NAALADL2: variants seen among roughly 807,000 people sequenced by gnomAD.
The protein encoded by NAALADL2 is inactive N-acetylated-alpha-linked acidic dipeptidase-like protein 2.
NAALADL2 carries 76 observed loss-of-function variants against 87.2 expected under a neutral mutation model. The ratio of observed to expected loss-of-function variants is 0.87; its 90% CI spans 0.72 to 1.05. The LOEUF is 1.05. NAALADL2 is among the 50% of genes least tolerant of loss of function. The probability of loss-of-function intolerance (pLI) is 0.00; values close to 1 mark genes in which losing one functional copy is unlikely to be tolerated. For synonymous variants in NAALADL2, 354 were observed against 331.0 expected (o/e 1.07, Z -0.75); for missense variants, 1,089 against 945.8 (o/e 1.15, Z -1.99).
At chr3:174,970,807 C>T (rs916119389) in intron 1 of NAALADL2, among the ~76,000 whole-genome samples, 3 of 151,984 alleles carry the variant, frequency 2.0e-5, no homozygotes, top group African/African-American at 7.3e-5. Flanking sequence ...TCTCATTAAC[C>T]CTTTCTCACA....
intron 2 of NAALADL2, among the ~76,000 whole-genome samples, chr3:175,185,030 C>G (rs9290544): frequency 0.038 from 5,754 of 152,100 alleles, 260 homozygotes; most frequent in African/African-American, 0.11. Flanking sequence ...TGAGAGATAG[C>G]AAAATTATTT....
chr3:174,704,904 T>A (rs1729912344), intron 2 of NAALADL2, among the ~76,000 whole-genome samples: 1 of 152,246 alleles, frequency 6.6e-6, no homozygotes, highest in Non-Finnish European at 1.5e-5. Flanking sequence ...TTTAAGTTCC[T>A]GCAGCATATT....
At chr3:174,884,637 AC>A (rs1315720015) in intron 1 of NAALADL2, among the ~76,000 whole-genome samples, 1 of 152,170 alleles carries the variant, frequency 6.6e-6, no homozygotes, top group African/African-American at 2.4e-5. Flanking sequence ...AGGAGCTGCA[AC>A]GTTAAATGCA....
intron 9 of NAALADL2, among the ~76,000 whole-genome samples, chr3:175,498,159 A>G (rs1267881546): frequency 6.6e-6 from 1 of 152,164 alleles, no homozygotes; most frequent in Non-Finnish European, 1.5e-5. Flanking sequence ...AGAAAAGAAC[A>G]GAGAATAAAA....
chr3:175,789,187 C>CCA (rs1431979503), intron 13 of NAALADL2, among the ~76,000 whole-genome samples: 1 of 152,010 alleles, frequency 6.6e-6, no homozygotes, highest in East Asian at 1.9e-4. Context: ...CTTTTGTATC[C>CCA]CACATAGCAG....
intron 11 of NAALADL2, among the ~76,000 whole-genome samples, chr3:175,633,728 T>C (rs1047675468): frequency 2.0e-5 from 3 of 151,876 alleles, no homozygotes; most frequent in African/African-American, 7.2e-5. Context: ...ATTGCTTTTC[T>C]CATGTTCAGA....
At chr3:174,847,804 GAA>G (rs59583247) in intron 3 of NAALADL2, among the ~76,000 whole-genome samples, 32,561 of 138,714 alleles carry the variant, frequency 0.23, 3,765 homozygotes, top group East Asian at 0.45. Context: ...GTATGTATTT[GAA>G]AAAAAAAAAA....
At chr3:175,791,573 T>C (rs1354409291) in intron 13 of NAALADL2, among the ~76,000 whole-genome samples, 1 of 152,180 alleles carries the variant, frequency 6.6e-6, no homozygotes, top group East Asian at 1.9e-4. Context: ...AAGACTGTCA[T>C]GACAGAGGAG....
At chr3:175,660,132 A>G (rs1309713147) in intron 11 of NAALADL2, among the ~76,000 whole-genome samples, 1 of 152,046 alleles carries the variant, frequency 6.6e-6, no homozygotes, top group Non-Finnish European at 1.5e-5. Flanking sequence ...TTTATAAGGG[A>G]ACTAATCCTG....
At chr3:175,112,129 T>C (rs2108501332) in intron 2 of NAALADL2, among the ~76,000 whole-genome samples, 1 of 151,782 alleles carries the variant, frequency 6.6e-6, no homozygotes, top group Non-Finnish European at 1.5e-5. Flanking sequence ...ATTACATTAT[T>C]TTTGTTAATA....
chr3:174,916,276 T>A (rs1734376029), intron 1 of NAALADL2, among the ~76,000 whole-genome samples: 1 of 152,076 alleles, frequency 6.6e-6, no homozygotes, highest in South Asian at 2.1e-4. Context: ...GAATGTAAAT[T>A]AGTACAACCA....
At chr3:175,248,655 C>T (rs1748452554) in intron 3 of NAALADL2, among the ~76,000 whole-genome samples, 1 of 152,032 alleles carries the variant, frequency 6.6e-6, no homozygotes, top group African/African-American at 2.4e-5. Context: ...CTACTGTGTG[C>T]CAATAACTGT....
chr3:174,595,085 G>A (rs932239467), intron 2 of NAALADL2, among the ~76,000 whole-genome samples: 7 of 151,860 alleles, frequency 4.6e-5, no homozygotes, highest in African/African-American at 1.7e-4. Flanking sequence ...TTATTTCTGC[G>A]GCATAAAAAC....
At chr3:175,729,768 GT>G (rs11324916) in intron 11 of NAALADL2, among the ~76,000 whole-genome samples, 6,434 of 125,454 alleles carry the variant, frequency 0.051, 362 homozygotes, top group African/African-American at 0.16. Context: ...TCAGCTGAAG[GT>G]TTTTTTTTTT....
chr3:174,667,966 A>T (rs1174617796), intron 2 of NAALADL2, among the ~76,000 whole-genome samples: 1 of 152,108 alleles, frequency 6.6e-6, no homozygotes, highest in African/African-American at 2.4e-5. Flanking sequence ...TAGCAGCTGC[A>T]CCATTTTATA....
In NAALADL2 at chr3:175,598,457, C is replaced by A. The variant is rs192599241; in HGVS notation, c.1800+22270C>A. Among the ~76,000 whole-genome samples the A allele has an allele frequency of 3.4e-3, 511 of 151,616 alleles. 2 individuals are homozygous for A. Among genetic ancestry groups the A allele is most frequent in the Middle Eastern group, 0.017 (5 of 294 alleles). ...TTCTTAATGTTAATAATAACAACAT[C>A]TTGATTTGTTTAGTTTTCTACATAT... On this transcript the variant is annotated intron_variant, in intron 10 of 13. Transcript: ENST00000454872.
At chr3:174,822,163 C>A (rs1443671287) in intron 3 of NAALADL2, among the ~76,000 whole-genome samples, 1 of 123,404 alleles carries the variant, frequency 8.1e-6, no homozygotes, top group South Asian at 2.4e-4. Context: ...GACACAAACA[C>A]ACACACAGGG....
chr3:174,546,195 G>A (rs990373346), intron 1 of NAALADL2, among the ~76,000 whole-genome samples: 1 of 152,102 alleles, frequency 6.6e-6, no homozygotes, highest in African/African-American at 2.4e-5. Flanking sequence ...ATTTTCTCAA[G>A]GGGTAGAAGG....
At chr3:175,721,072 A>G (rs759201855) in intron 11 of NAALADL2, among the ~76,000 whole-genome samples, 40 of 152,236 alleles carry the variant, frequency 2.6e-4, no homozygotes, top group Admixed American at 7.9e-4. Flanking sequence ...AAAATATCAG[A>G]CAATGTAAGA....
Sources: gnomAD v4.1 joint callset for allele counts (sites outside exome capture counted in the v4.1 genomes callset) on GRCh38, gnomAD v4.1.1 for gene constraint, MANE v1.5 for transcripts, NCBI Gene and HGNC (gene_info 2026-07-23, HGNC 2026-07-21) for gene names.